Variants in STPG2 observed in about 807,000 individuals in gnomAD.
STPG2 encodes sperm tail PG-rich repeat containing 2.
In STPG2, 56 loss-of-function variants were observed where a neutral mutation model predicts 54.2. The ratio of observed to expected loss-of-function variants is 1.03; its 90% CI spans 0.83 to 1.29. The LOEUF is 1.29. Among genes scored for constraint, STPG2 ranks in the 50% most tolerant of loss-of-function variants. STPG2 has a pLI of 0.00. For synonymous variants in STPG2, 200 were observed against 181.8 expected (o/e 1.10, Z -0.81); for missense variants, 596 against 544.9 (o/e 1.09, Z -0.93).
intron 9 of STPG2, among the ~76,000 whole-genome samples, chr4:97,781,326 T>A (rs1178907506): frequency 6.6e-6 from 1 of 151,854 alleles, no homozygotes; most frequent in Non-Finnish European, 1.5e-5. Context: ...AACTAGAAAA[T>A]CTAGAAGAAA....
intron 4 of STPG2, among the ~76,000 whole-genome samples, chr4:97,502,998 T>A (rs1182276771): frequency 6.6e-6 from 1 of 152,192 alleles, no homozygotes; most frequent in East Asian, 1.9e-4. Flanking sequence ...TTTTATTATC[T>A]TGTTTTTATT....
At chr4:97,551,533 T>A (rs1731966265) in intron 4 of STPG2, among the ~76,000 whole-genome samples, 2 of 152,204 alleles carry the variant, frequency 1.3e-5, no homozygotes, top group African/African-American at 4.8e-5. Context: ...TACTTAAAAC[T>A]TCTTCTGAGA....
chr4:98,052,227 G>A (rs557619167), intron 5 of STPG2, among the ~76,000 whole-genome samples: 45 of 152,156 alleles, frequency 3.0e-4, no homozygotes, highest in African/African-American at 1.0e-3. Flanking sequence ...GGCAATCCAT[G>A]TAATTTATTG....
chr4:97,883,174 C>G (rs1730440890), intron 8 of STPG2, among the ~76,000 whole-genome samples: 1 of 150,886 alleles, frequency 6.6e-6, no homozygotes, highest in Non-Finnish European at 1.5e-5. Context: ...TATATATACA[C>G]ATATATACAT....
intron 5 of STPG2, among the ~76,000 whole-genome samples, chr4:98,084,857 T>C (rs774490892): frequency 1.3e-5 from 2 of 152,160 alleles, no homozygotes; most frequent in Non-Finnish European, 2.9e-5. Context: ...GATACAATTA[T>C]TTTGTCAGAT....
chr4:97,882,269 G>A (rs549004538), intron 8 of STPG2, among the ~76,000 whole-genome samples: 1 of 152,148 alleles, frequency 6.6e-6, no homozygotes, highest in Non-Finnish European at 1.5e-5. Context: ...TAGAAAACTA[G>A]AGAAAGCATT....
chr4:97,896,237 G>T (rs568228969), intron 8 of STPG2, among the ~76,000 whole-genome samples: 4 of 151,844 alleles, frequency 2.6e-5, no homozygotes, highest in African/African-American at 9.6e-5. Context: ...TGTGGCAAGA[G>T]AGACAGAATT....
intron 9 of STPG2, among the ~76,000 whole-genome samples, chr4:97,821,026 C>T (rs1728074606): frequency 6.6e-6 from 1 of 152,158 alleles, no homozygotes; most frequent in Non-Finnish European, 1.5e-5. Context: ...TTCCCAAACT[C>T]TTAACTCATT....
chr4:97,611,704 C>T (rs1733734106), intron 10 of STPG2, among the ~76,000 whole-genome samples: 1 of 151,586 alleles, frequency 6.6e-6, no homozygotes, highest in Non-Finnish European at 1.5e-5. Flanking sequence ...ATAAAGGTGA[C>T]ATGAATCAGT....
chr4:97,839,436 C>CA (rs1213161508), intron 9 of STPG2, among the ~76,000 whole-genome samples: 2 of 151,624 alleles, frequency 1.3e-5, no homozygotes, highest in East Asian at 1.9e-4. Context: ...GGAATACAGA[C>CA]AAAAAATATC....
intron 5 of STPG2, among the ~76,000 whole-genome samples, chr4:97,990,976 C>T (rs1734982636): frequency 6.6e-6 from 1 of 151,962 alleles, no homozygotes; most frequent in African/African-American, 2.4e-5. Flanking sequence ...TGAGTAAATT[C>T]TTTAGTGGTG....
intron 7 of STPG2, among the ~76,000 whole-genome samples, chr4:97,959,877 T>C (rs1376042485): frequency 6.6e-6 from 1 of 151,788 alleles, no homozygotes; most frequent in African/African-American, 2.4e-5. Flanking sequence ...TACCAAAACA[T>C]GGAAAGGACA....
At chr4:97,830,026 C>T (rs563935015) in intron 9 of STPG2, among the ~76,000 whole-genome samples, 2 of 152,000 alleles carry the variant, frequency 1.3e-5, no homozygotes, top group Non-Finnish European at 2.9e-5. Context: ...ACAGAGAACA[C>T]CACAAAGATA....
rs150362252 is a variant in STPG2, at chr4:97,478,503, A to T, written c.462+234196T>A. On this transcript the variant is annotated intron_variant, in intron 4 of 4. Transcript: ENST00000522676. Reference sequence around the variant, plus strand: ...TCTTATGATAACCTTGATGACTGCCAATTAGTAGGGCAGTATTTGTTTTTA... The same window carrying T: ...TCTTATGATAACCTTGATGACTGCCTATTAGTAGGGCAGTATTTGTTTTTA... Among the ~76,000 whole-genome samples, 919 of 152,206 alleles carry T rather than the reference A, an allele frequency of 6.0e-3. 5 individuals are homozygous for T. The highest frequency in any genetic ancestry group is 0.02 in the South Asian group (98 of 4,822).
At chr4:97,768,211 A>C (rs1726117585) in intron 9 of STPG2, among the ~76,000 whole-genome samples, 1 of 152,190 alleles carries the variant, frequency 6.6e-6, no homozygotes, top group Non-Finnish European at 1.5e-5. Flanking sequence ...TACTAGGTTC[A>C]TGCAAATGAC....
chr4:97,787,800 AT>A (rs1425344121), intron 9 of STPG2, among the ~76,000 whole-genome samples: 1 of 151,732 alleles, frequency 6.6e-6, no homozygotes, highest in African/African-American at 2.4e-5. Context: ...AGATTTTCTA[AT>A]TTTTTTGAGA....
chr4:97,535,160 T>C (rs1317994860), intron 4 of STPG2, among the ~76,000 whole-genome samples: 1 of 152,232 alleles, frequency 6.6e-6, no homozygotes, highest in African/African-American at 2.4e-5. Flanking sequence ...GATGGATTGC[T>C]AGTTTGTATG....
intron 10 of STPG2, among the ~76,000 whole-genome samples, chr4:97,596,151 C>A (rs1733284652): frequency 6.6e-6 from 1 of 151,898 alleles, no homozygotes; most frequent in Non-Finnish European, 1.5e-5. Flanking sequence ...TTCAAACTAA[C>A]AAAGATAAAA....
chr4:97,967,531 C>T (rs551088933), intron 7 of STPG2, among the ~76,000 whole-genome samples: 142 of 152,250 alleles, frequency 9.3e-4, no homozygotes, highest in African/African-American at 3.2e-3. Context: ...ACAGAACTCT[C>T]CACCCCAAAT....
Sources: allele counts gnomAD v4.1 joint callset (sites outside exome capture counted in the v4.1 genomes callset), GRCh38; gene constraint gnomAD v4.1.1; transcripts MANE v1.5; gene names NCBI Gene and HGNC (gene_info 2026-07-23, HGNC 2026-07-21).